Variants in CTXND2 observed in about 807,000 individuals in gnomAD.
CTXND2 encodes the protein cortexin domain containing 2.
At chr1:150,897,944 T>A (rs1215780858) in intron 1 of CTXND2, among the ~76,000 whole-genome samples, 1 of 152,218 alleles carries the variant, frequency 6.6e-6, no homozygotes, top group African/African-American at 2.4e-5. Context: ...CACAGAGCAG[T>A]TTAGCTCTGC....
intron 1 of CTXND2, among the ~76,000 whole-genome samples, chr1:150,895,596 G>A (rs923491457): frequency 3.9e-5 from 6 of 152,170 alleles, no homozygotes; most frequent in Admixed American, 6.6e-5. Flanking sequence ...CACCTGCCTC[G>A]ACCTCCCAAA....
chr1:150,901,937 A>T (rs1182022460), intron 1 of CTXND2, among the ~76,000 whole-genome samples: 6 of 151,594 alleles, frequency 4.0e-5, no homozygotes, highest in African/African-American at 1.5e-4. Flanking sequence ...AAAAAAAAAA[A>T]TAAATTCAAT....
intron 1 of CTXND2, among the ~76,000 whole-genome samples, chr1:150,901,637 G>A (rs1012302781): frequency 6.6e-6 from 1 of 152,224 alleles, no homozygotes; most frequent in African/African-American, 2.4e-5. Context: ...AATGGGGCTG[G>A]GAGCAGTGGC....
chr1:150,906,241 T>C (rs1669144749), intron 1 of CTXND2, among the ~76,000 whole-genome samples: 1 of 149,736 alleles, frequency 6.7e-6, no homozygotes, highest in Non-Finnish European at 1.5e-5. Flanking sequence ...TGAGGCTGCA[T>C]TGAGCTATGA....
intron 1 of CTXND2, among the ~76,000 whole-genome samples, chr1:150,897,217 G>A (rs1448955364): frequency 6.6e-6 from 1 of 152,186 alleles, no homozygotes; most frequent in Non-Finnish European, 1.5e-5. Flanking sequence ...GTTTGGAGGG[G>A]AATAAGAGTG....
At chr1:150,894,540 CTG>C (rs992138635) in intron 1 of CTXND2, among the ~76,000 whole-genome samples, 8 of 152,004 alleles carry the variant, frequency 5.3e-5, no homozygotes, top group African/African-American at 1.9e-4. Context: ...TTATTTAAGA[CTG>C]TTTTATTAGA....
At chr1:150,891,710 C>T (rs1036903481) in intron 1 of CTXND2, among the ~76,000 whole-genome samples, 22 of 152,188 alleles carry the variant, frequency 1.4e-4, no homozygotes, top group African/African-American at 4.8e-4. Flanking sequence ...ATTGCTGTTT[C>T]TCAAACATAC....
chr1:150,902,765 C>G (rs1571603006), intron 1 of CTXND2, among the ~76,000 whole-genome samples: 1 of 151,818 alleles, frequency 6.6e-6, no homozygotes, highest in African/African-American at 2.4e-5. Flanking sequence ...GGAATATAAA[C>G]AAGACAAAAT....
chr1:150,901,350 A>G (rs1016942414), intron 1 of CTXND2, among the ~76,000 whole-genome samples: 2 of 152,170 alleles, frequency 1.3e-5, no homozygotes, highest in Non-Finnish European at 2.9e-5. Flanking sequence ...AAGACACACA[A>G]TCTGTATCAG....
chr1:150,912,621 A>G, exon 2 of CTXND2: 1 of 396,648 alleles, frequency 2.5e-6, no homozygotes, highest in African/African-American at 2.1e-5. Context: ...GCCAGTTTGT[A>G]TTGTTCCTGT....
chr1:150,894,044 C>G (rs939617823), intron 1 of CTXND2, among the ~76,000 whole-genome samples: 1 of 151,984 alleles, frequency 6.6e-6, no homozygotes, highest in Non-Finnish European at 1.5e-5. Context: ...TCTCGAACTC[C>G]TGGACTCAGG....
At chr1:150,891,254 G>C in intron 1 of CTXND2, among the ~76,000 whole-genome samples, 1 of 149,554 alleles carries the variant, frequency 6.7e-6, no homozygotes, top group South Asian at 2.1e-4. Context: ...TCGCTCTGTC[G>C]CCCAGGCTGG....
rs372445722 is a variant in CTXND2 at position 150,888,739 on chromosome 1, G to C, written c.-74+1426G>C. 1.5e-4 allele frequency among the ~76,000 whole-genome samples: 23 copies of C among 151,994 alleles called. 1 individual carries two copies. In the East Asian group the frequency reaches 2.3e-3, roughly 15 times the overall value. On this transcript the variant is annotated intron_variant, in intron 1 of 1. Transcript: ENST00000636087. ...AGGGGCTTGCTTTGTCACCCAGGCT[G>C]GAGTGCAGTGGTGCGATCATGGCTT...
chr1:150,899,253 A>G (rs1668960215), intron 1 of CTXND2, among the ~76,000 whole-genome samples: 1 of 152,086 alleles, frequency 6.6e-6, no homozygotes, highest in Non-Finnish European at 1.5e-5. Flanking sequence ...TGGGTAACAT[A>G]GCAAGACCCC....
At chr1:150,912,378 G>C (rs1056971607) in exon 2 of CTXND2, 1 of 398,414 alleles carries the variant, frequency 2.5e-6, no homozygotes, top group Non-Finnish European at 4.4e-6. Flanking sequence ...TGCCTTTGTT[G>C]TTCTTCTGTT....
At chr1:150,906,850 T>C (rs1669154799) in intron 1 of CTXND2, among the ~76,000 whole-genome samples, 2 of 152,098 alleles carry the variant, frequency 1.3e-5, no homozygotes, top group South Asian at 4.1e-4. Flanking sequence ...TGAGTTTAGG[T>C]TGGGAGAATA....
intron 1 of CTXND2, among the ~76,000 whole-genome samples, chr1:150,900,439 C>T (rs889157248): frequency 6.6e-6 from 1 of 152,228 alleles, no homozygotes. Flanking sequence ...GTAACACTCA[C>T]CGTGAGGGTC....
intron 1 of CTXND2, among the ~76,000 whole-genome samples, chr1:150,902,053 A>G (rs1386714316): frequency 6.6e-6 from 1 of 152,056 alleles, no homozygotes; most frequent in Non-Finnish European, 1.5e-5. Flanking sequence ...ATTACCTGAG[A>G]TCAGGAGTTC....
chr1:150,910,918 C>T (rs1669244385), intron 1 of CTXND2, among the ~76,000 whole-genome samples: 2 of 152,078 alleles, frequency 1.3e-5, no homozygotes, highest in African/African-American at 2.4e-5. Flanking sequence ...CATTCTCCTG[C>T]CTCAGCCTCC....
Sources: allele counts gnomAD v4.1 joint callset (sites outside exome capture counted in the v4.1 genomes callset), GRCh38; gene constraint gnomAD v4.1.1; transcripts MANE v1.5; gene names NCBI Gene and HGNC (gene_info 2026-07-23, HGNC 2026-07-21).